BMP1: variants seen among roughly 807,000 people sequenced by gnomAD.
BMP1 encodes bone morphogenetic protein 1, also known as mammalian tolloid protein.
Under a neutral mutation model 116.8 loss-of-function variants are expected in BMP1, and 63 were observed. That is an observed-to-expected ratio of 0.54 (90% CI 0.44 to 0.67). The LOEUF is 0.67. Ranked by LOEUF, BMP1 falls within the 30% of genes least tolerant of loss-of-function variation. The probability of loss-of-function intolerance (pLI) is 0.00; values close to 1 mark genes in which losing one functional copy is unlikely to be tolerated. For synonymous variants in BMP1, 536 were observed against 533.4 expected, an observed-to-expected ratio of 1.00 and a Z score of -0.07; for missense variants, 1,183 against 1,358.9, an observed-to-expected ratio of 0.87 and a Z score of 2.04.
intron 3 of BMP1, 28 bp downstream of exon 3, chr8:22,176,341 T>C: frequency 3.2e-6 from 5 of 1,572,106 alleles, no homozygotes; most frequent in Admixed American, 1.8e-5. Flanking sequence ...GGTCCCAGAG[T>C]GTAACCAGCT....
intron 8 of BMP1, among the ~76,000 whole-genome samples, chr8:22,184,137 G>T (rs1332120004): frequency 6.6e-6 from 1 of 152,244 alleles, no homozygotes; most frequent in Non-Finnish European, 1.5e-5. Flanking sequence ...CCAGCACTGG[G>T]TCAGCCACCA....
intron 12 of BMP1, 32 bp from the exon 13 acceptor site, chr8:22,195,430 G>T (rs1349530817): frequency 2.4e-5 from 38 of 1,580,596 alleles, no homozygotes; most frequent in Non-Finnish European, 3.3e-5. Context: ...TGAATGCCTG[G>T]AGTCTGTGAC....
At chr8:22,176,426 T>C in intron 3 of BMP1, 107 bp from the exon 4 acceptor site, 1 of 1,551,462 alleles carries the variant, frequency 6.4e-7, no homozygotes, top group South Asian at 1.2e-5. Flanking sequence ...TGCCCACACA[T>C]TCCTTTCCAG....
At chr8:22,176,450 A>C (rs1479395716) in intron 3 of BMP1, 83 bp from the exon 4 acceptor site, 28 of 1,567,936 alleles carry the variant, frequency 1.8e-5, no homozygotes, top group Non-Finnish European at 2.4e-5. Flanking sequence ...GTCTGCCCTC[A>C]GAATGGCTGT....
chr8:22,199,060 G>C lies in BMP1; in HGVS notation c.2107+1640G>C, dbSNP rs769055692. ...AGGGGACCGACACTCACATCTATCA[G>C]GCCTGGAGTTACTGCTCTGCCCCCA... On this transcript the variant is annotated intron_variant, in intron 15 of 19. Transcript: ENST00000306385. 5.1e-6 allele frequency: 7 copies of C among 1,363,340 alleles called. No homozygotes were observed. The Admixed American group carries it at 1.3e-4, about 26-fold the overall frequency. The allele number at this position is 1,363,340 out of a possible 1,614,324, so 84.5% of individuals were successfully genotyped here.
At chr8:22,204,659 G>A (rs935963875) in intron 16 of BMP1, among the ~76,000 whole-genome samples, 3 of 152,188 alleles carry the variant, frequency 2.0e-5, no homozygotes, top group African/African-American at 7.2e-5. Context: ...GGAGGCAGAG[G>A]TTGCAGTGAG....
intron 15 of BMP1, among the ~76,000 whole-genome samples, chr8:22,200,552 A>T (rs1829228971): frequency 6.6e-6 from 1 of 151,842 alleles, no homozygotes. Flanking sequence ...TGCATGGTGT[A>T]TTGGAGATTG....
chr8:22,177,988 C>A, intron 6 of BMP1, 31 bp downstream of exon 6: 1 of 1,525,070 alleles, frequency 6.6e-7, no homozygotes, highest in Non-Finnish European at 9.0e-7. Context: ...TGGGCCTCTG[C>A]TCGGGCAGCC....
chr8:22,192,073 G>T lies in BMP1; in HGVS notation c.1102G>T (p.Asp368Tyr), dbSNP rs749096543. 3 of 1,613,936 alleles carry T rather than the reference G, an allele frequency of 1.9e-6. No homozygotes were observed. The South Asian group carries it at 3.3e-5, about 18-fold the overall frequency. ...GATCATCCTGAACTTCACGTCCCTG[G>T]ACCTGTACCGCAGCCGCCTGTGCTG... is the stretch of plus-strand genomic sequence containing the variant. ...EKIILNFTSL[D>Y]LYRSRLCWYD... The change falls in exon 9 of 20, where the codon GAC becomes TAC. Residue 368 changes from aspartate to tyrosine, a missense_variant. This residue lies in a region of BMP1 where 956 missense variants were observed against 1,135.2 expected (regional missense o/e 0.84). Coordinates refer to ENST00000306385, the MANE Select transcript of BMP1 (RefSeq NM_006129.5).
At chr8:22,192,589 C>T (rs1250836414) in intron 9 of BMP1, among the ~76,000 whole-genome samples, 3 of 152,198 alleles carry the variant, frequency 2.0e-5, no homozygotes, top group Admixed American at 2.0e-4. Context: ...AAAAGAGAGT[C>T]ATCATAACCT....
intron 18 of BMP1, 42 bp from the exon 19 acceptor site, chr8:22,209,403 C>G: frequency 6.2e-7 from 1 of 1,603,852 alleles, no homozygotes; most frequent in South Asian, 1.1e-5. Context: ...GGCCTGGCAC[C>G]TGCGGTGCTC....
chr8:22,207,520 C>T lies in BMP1; in HGVS notation c.2575+4C>T. ...TTCCAGGCCTCCCACGCCACAGGTA[C>T]TGTCCCCGGTTGTGGGAGTGTTCAC... On this transcript the variant is annotated splice_donor_region_variant and intron_variant, in intron 18 of 19. Coordinates refer to ENST00000306385, the MANE Select transcript of BMP1 (RefSeq NM_006129.5). 6.2e-7 allele frequency: 1 copy of T among 1,612,832 alleles called. No homozygotes were observed. The highest frequency in any genetic ancestry group is 8.5e-7 in the Non-Finnish European group (1 of 1,179,830).
chr8:22,192,994 C>T (rs1454447403), intron 9 of BMP1, among the ~76,000 whole-genome samples: 15 of 152,236 alleles, frequency 9.9e-5, no homozygotes, highest in Admixed American at 9.8e-4. Flanking sequence ...CTCAAAGCAG[C>T]TGTCCTTACA....
rs976180403 is a variant in BMP1 at position 22,194,595 on chromosome 8, G to A, written c.1443+5G>A. 3 of 1,614,028 alleles carry A rather than the reference G, an allele frequency of 1.9e-6. No homozygotes were observed. The highest frequency in any genetic ancestry group is 1.7e-6 in the Non-Finnish European group (2 of 1,179,924). The stretch of plus-strand genomic sequence containing the variant: ...CTCACATTCCAGTCCTTTGAGGTAG[G>A]TCAGTGGCCCTGTGATCTGACCTTT... On this transcript the variant is annotated splice_donor_5th_base_variant and intron_variant, in intron 11 of 19. Coordinates refer to ENST00000306385, the MANE Select transcript of BMP1 (RefSeq NM_006129.5). The surrounding 1 kb of genome is among the most constrained non-coding windows in gnomAD (Gnocchi z 4.5).
intron 15 of BMP1, chr8:22,198,814 G>T: frequency 2.0e-6 from 1 of 495,154 alleles, no homozygotes; most frequent in Non-Finnish European, 3.0e-6. Context: ...TCTGCTTACA[G>T]TGGCCCGTTG....
chr8:22,192,486 G>A (rs1214069088), intron 9 of BMP1, among the ~76,000 whole-genome samples: 1 of 152,160 alleles, frequency 6.6e-6, no homozygotes. Flanking sequence ...CATGGCCCCA[G>A]GCTCTCTTCC....
At chr8:22,191,347 C>CTCCCT (rs1443471276) in intron 8 of BMP1, among the ~76,000 whole-genome samples, 1 of 152,222 alleles carries the variant, frequency 6.6e-6, no homozygotes, top group African/African-American at 2.4e-5. Context: ...TGTCTCATCC[C>CTCCCT]TCCCTAAGCC....
chr8:22,187,024 A>T (rs1828790975), intron 8 of BMP1, among the ~76,000 whole-genome samples: 1 of 152,026 alleles, frequency 6.6e-6, no homozygotes, highest in South Asian at 2.1e-4. Flanking sequence ...TATTTTTTAG[A>T]GACAGAGTCT....
Position 22,209,601 on chromosome 8 carries a change from T to G in BMP1, c.2732T>G (p.Val911Gly). ...GVELVFQTFEVEEETDCGYDY... is the reference protein window; with the variant it reads ...GVELVFQTFEGEEETDCGYDY... Reference sequence around the variant, plus strand: ...GAGCTCGTGTTCCAGACCTTTGAGGTGGAGGAGGAGACCGACTGCGGCTAT... The same window carrying G: ...GAGCTCGTGTTCCAGACCTTTGAGGGGGAGGAGGAGACCGACTGCGGCTAT... Residue 911 changes from valine (V) to glycine (G), a missense_variant, in exon 19 of 20, where the codon GTG (valine) becomes GGG (glycine). Physicochemically the swap from Val to Gly is moderately radical, Grantham distance 109. Transcript: ENST00000306385. 1 of 1,614,008 alleles carries G rather than the reference T, an allele frequency of 6.2e-7. No homozygotes were observed. The highest frequency in any genetic ancestry group is 8.5e-7 in the Non-Finnish European group (1 of 1,179,972).
Sources: allele counts gnomAD v4.1 joint callset (sites outside exome capture counted in the v4.1 genomes callset), GRCh38; gene constraint gnomAD v4.1.1; regional missense constraint gnomAD v4.1.1; non-coding constraint Gnocchi (gnomAD v3.1); transcripts MANE v1.5; gene names NCBI Gene and HGNC (gene_info 2026-07-23, HGNC 2026-07-21).